SLC17A6: variants seen among roughly 807,000 people sequenced by gnomAD.
SLC17A6 encodes the protein vesicular glutamate transporter 2.
SLC17A6 carries 35 observed loss-of-function variants against 67.1 expected under a neutral mutation model. The observed-to-expected ratio is 0.52, with a 90% CI of 0.40 to 0.69. SLC17A6 has a LOEUF of 0.69. Ranked by LOEUF, SLC17A6 falls within the 30% of genes least tolerant of loss-of-function variation. The probability of loss-of-function intolerance (pLI) is 0.00; values close to 1 mark genes in which losing one functional copy is unlikely to be tolerated. For missense variants in SLC17A6, 588 were observed against 723.9 expected (o/e 0.81, Z 2.15); for synonymous variants, 285 against 252.3 (o/e 1.13, Z -1.23).
At chr11:22,365,121 C>T (rs1316652960) in intron 6 of SLC17A6, among the ~76,000 whole-genome samples, 1 of 152,094 alleles carries the variant, frequency 6.6e-6, no homozygotes, top group Non-Finnish European at 1.5e-5. Context: ...AATGCAACCA[C>T]TTTTATATAT....
intron 5 of SLC17A6, chr11:22,362,376 C>T (rs1856062689): frequency 3.0e-6 from 1 of 335,486 alleles, no homozygotes; most frequent in African/African-American, 2.2e-5. Context: ...GAGATACATG[C>T]TTGAGGTCGC....
At chr11:22,368,076 A>G (rs1286353226) in intron 7 of SLC17A6, among the ~76,000 whole-genome samples, 1 of 152,164 alleles carries the variant, frequency 6.6e-6, no homozygotes, top group Admixed American at 6.5e-5. Flanking sequence ...AACTATTTCA[A>G]AGTAAATAAA....
intron 6 of SLC17A6, among the ~76,000 whole-genome samples, chr11:22,364,215 A>T (rs891696171): frequency 6.6e-6 from 1 of 152,118 alleles, no homozygotes; most frequent in African/African-American, 2.4e-5. Context: ...GGGGTAAGTT[A>T]AAAAAGATAA....
chr11:22,377,369 A>G (rs1167279666), intron 11 of SLC17A6, 36 bp from the exon 12 acceptor site: 2 of 1,535,658 alleles, frequency 1.3e-6, no homozygotes, highest in South Asian at 2.5e-5. Flanking sequence ...AATCATGGGG[A>G]GTCAGTTCTC....
chr11:22,340,244 T>C (rs538237423), intron 1 of SLC17A6, among the ~76,000 whole-genome samples: 21 of 152,198 alleles, frequency 1.4e-4, no homozygotes, highest in Admixed American at 1.0e-3. Context: ...TTGGAAAAAA[T>C]ATCTGCAAAT....
At chr11:22,345,650 A>G (rs1324428470) in intron 3 of SLC17A6, among the ~76,000 whole-genome samples, 1 of 152,198 alleles carries the variant, frequency 6.6e-6, no homozygotes, top group African/African-American at 2.4e-5. Context: ...TCATGAACCT[A>G]TAGAAAATTA....
At chr11:22,339,384 T>C (rs1337250928) in intron 1 of SLC17A6, among the ~76,000 whole-genome samples, 2 of 151,684 alleles carry the variant, frequency 1.3e-5, no homozygotes, top group Non-Finnish European at 2.9e-5. Flanking sequence ...TATTTTCATC[T>C]CCTAGAGTCT....
At position 22,366,843 on chromosome 11, in the gene SLC17A6, A is replaced by C. The variant is rs565533720; in HGVS notation, c.891+1154A>C. 3.2e-3 allele frequency among the ~76,000 whole-genome samples: 491 copies of C among 152,096 alleles called. 1 individual carries two copies. The highest frequency in any genetic ancestry group is 0.014 in the Middle Eastern group (4 of 294). On this transcript the variant is annotated intron_variant, in intron 7 of 11. Coordinates refer to ENST00000263160, the MANE Select transcript of SLC17A6 (RefSeq NM_020346.3). ...AACATGGGAAACCCCGTCTCTACTA[A>C]AAATACAAAAATATTACCCGGGCCT...
At chr11:22,350,767 C>A (rs1046273971) in intron 3 of SLC17A6, among the ~76,000 whole-genome samples, 1 of 152,068 alleles carries the variant, frequency 6.6e-6, no homozygotes, top group Non-Finnish European at 1.5e-5. Context: ...GGAGAAAGAT[C>A]TTAAGTGAAA....
At chr11:22,371,060 C>T (rs1031215099) in intron 8 of SLC17A6, among the ~76,000 whole-genome samples, 19 of 152,046 alleles carry the variant, frequency 1.2e-4, no homozygotes, top group African/African-American at 2.7e-4. Context: ...CTTAAAGCCA[C>T]GCTAGTAATG....
At chr11:22,376,452 T>G (rs1406525442) in intron 10 of SLC17A6, 93 bp from the exon 11 acceptor site, 2 of 1,380,732 alleles carry the variant, frequency 1.4e-6, no homozygotes, top group Non-Finnish European at 2.0e-6. Flanking sequence ...CTGTACCCAG[T>G]ATATTTTAAG....
chr11:22,366,029 C>A (rs1183063860), intron 7 of SLC17A6, among the ~76,000 whole-genome samples: 1 of 152,092 alleles, frequency 6.6e-6, no homozygotes, highest in Non-Finnish European at 1.5e-5. Context: ...AAATCCAAAT[C>A]AGCCATGAAA....
chr11:22,357,989 A>G (rs1279103944), intron 3 of SLC17A6, among the ~76,000 whole-genome samples: 1 of 152,210 alleles, frequency 6.6e-6, no homozygotes, highest in Non-Finnish European at 1.5e-5. Context: ...TATATAATCA[A>G]TAGAAAAAGT....
intron 3 of SLC17A6, among the ~76,000 whole-genome samples, chr11:22,357,203 G>A (rs1204350823): frequency 6.6e-6 from 1 of 152,064 alleles, no homozygotes; most frequent in Non-Finnish European, 1.5e-5. Context: ...CTATAACATT[G>A]GTATATGTTT....
rs1002603125 is a variant in SLC17A6, at chr11:22,378,657, A to G, written c.*917A>G. The G allele has an allele frequency of 6.6e-6, 1 of 152,496 alleles. No homozygotes were observed. The highest frequency in any genetic ancestry group is 2.4e-5 in the African/African-American group (1 of 41,466). 9.4% of individuals were successfully genotyped at this position (152,496 alleles called of 1,614,324 possible). ...AATATTAAGAACAAAGAAATAGAAA[A>G]TGGTTTAGATATCTTTCTTCCTTCA... On this transcript the variant is annotated 3_prime_UTR_variant, in exon 12 of 12. Transcript: ENST00000263160.
intron 6 of SLC17A6, among the ~76,000 whole-genome samples, chr11:22,364,196 C>T (rs1215848283): frequency 6.6e-6 from 1 of 151,978 alleles, no homozygotes; most frequent in Non-Finnish European, 1.5e-5. Context: ...GAGATAAGAT[C>T]AGTATAGTGG....
chr11:22,354,836 G>A (rs1282028418), intron 3 of SLC17A6, among the ~76,000 whole-genome samples: 1 of 152,290 alleles, frequency 6.6e-6, no homozygotes, highest in East Asian at 1.9e-4. Context: ...TAATATTGTT[G>A]TTCAGTAAAA....
At chr11:22,348,784 A>T (rs1590380921) in intron 3 of SLC17A6, among the ~76,000 whole-genome samples, 2 of 152,346 alleles carry the variant, frequency 1.3e-5, no homozygotes, top group East Asian at 3.9e-4. Context: ...ATTTATAAAA[A>T]TAAATTTTAA....
chr11:22,363,286 G>C (rs190352095), intron 6 of SLC17A6, among the ~76,000 whole-genome samples: 1 of 152,054 alleles, frequency 6.6e-6, no homozygotes, highest in African/African-American at 2.4e-5. Context: ...ATTCAATTCC[G>C]TAATGAAATA....
Sources: allele counts gnomAD v4.1 joint callset (sites outside exome capture counted in the v4.1 genomes callset), GRCh38; gene constraint gnomAD v4.1.1; transcripts MANE v1.5; gene names NCBI Gene and HGNC (gene_info 2026-07-23, HGNC 2026-07-21).